The following OCRL variants were observed in gnomAD, a reference collection of about 807,000 sequenced individuals.
OCRL encodes inositol polyphosphate 5-phosphatase OCRL.
OCRL carries 8 observed loss-of-function variants against 78.9 expected under a neutral mutation model. The observed-to-expected ratio is 0.10, with a 90% CI of 0.06 to 0.18. The LOEUF (loss-of-function observed/expected upper bound fraction) is 0.18. Among genes scored for constraint, OCRL ranks in the 10% least tolerant of loss-of-function variants. The pLI is 1.00. For synonymous variants in OCRL, 240 were observed against 235.4 expected, an observed-to-expected ratio of 1.02 and a Z score of -0.18; for missense variants, 454 against 696.7, an observed-to-expected ratio of 0.65 and a Z score of 3.92.
At chrX:129,566,466 A>G (rs1936217798) in intron 13 of OCRL, among the ~76,000 whole-genome samples, 1 of 112,755 alleles carries the variant, frequency 8.9e-6, no homozygotes, top group African/African-American at 3.2e-5. Context: ...AAAACCTGAT[A>G]TTCAAGAACC....
At chrX:129,583,416 G>T (rs1294454623) in intron 18 of OCRL, among the ~76,000 whole-genome samples, 2 of 111,962 alleles carry the variant, frequency 1.8e-5, no homozygotes, top group Non-Finnish European at 3.8e-5. Context: ...GGTCAGACCT[G>T]GGATCCAATC....
intron 17 of OCRL, 103 bp from the exon 18 acceptor site, chrX:129,576,214 T>A: frequency 1.1e-6 from 1 of 938,180 alleles, no homozygotes; most frequent in Non-Finnish European, 1.5e-6. Flanking sequence ...CCCTCATTGC[T>A]TAATGATTTT....
intron 18 of OCRL, among the ~76,000 whole-genome samples, chrX:129,576,772 A>G (rs1047977732): frequency 2.7e-5 from 3 of 111,927 alleles, no homozygotes; most frequent in African/African-American, 9.8e-5. Flanking sequence ...ACAATACATA[A>G]TACTAAGCTC....
In OCRL at chrX:129,588,322, G is replaced by A. The variant is rs774899582; in HGVS notation, c.2341+59G>A. The A allele has an allele frequency of 6.8e-5, 55 of 813,321 alleles. 1 individual carries two copies. Among genetic ancestry groups the A allele is most frequent in the Non-Finnish European group, 7.5e-5 (40 of 536,094 alleles). The allele number at this position is 813,321 out of a possible 1,213,427, so 67.0% of individuals were successfully genotyped here. A position where few individuals can be genotyped will look rare whatever the true frequency, so the allele number is the denominator to read the frequency against. On this transcript the variant is annotated intron_variant, in intron 21 of 23. Coordinates refer to ENST00000371113, the MANE Select transcript of OCRL (RefSeq NM_000276.4). ...TGAGTACTTGATCAAACTCTTCTTC[G>A]CACCTATATTTGATTTTTGTGGTTC...
At chrX:129,569,503 T>C in intron 15 of OCRL, 104 bp downstream of exon 15, 1 of 916,158 alleles carries the variant, frequency 1.1e-6, no homozygotes, top group Admixed American at 2.2e-5. Context: ...CCATAAATGT[T>C]CCATAACCAA....
intron 4 of OCRL, among the ~76,000 whole-genome samples, chrX:129,554,118 A>G (rs1769613547): frequency 9.3e-6 from 1 of 107,668 alleles, no homozygotes; most frequent in Non-Finnish European, 1.9e-5. Flanking sequence ...GTAAGAAAAC[A>G]GAGAAATCAA....
At chrX:129,542,352 ATAAC>A (rs201301361) in intron 2 of OCRL, among the ~76,000 whole-genome samples, 2,099 of 110,639 alleles carry the variant, frequency 0.019, 50 homozygotes, top group African/African-American at 0.065. Flanking sequence ...TAACAACTAT[ATAAC>A]TAACAACTAA....
intron 12 of OCRL, 23 bp downstream of exon 12, chrX:129,562,809 G>T: frequency 8.4e-7 from 1 of 1,183,656 alleles, no homozygotes; most frequent in Non-Finnish European, 1.1e-6. Flanking sequence ...CTCACCTGTA[G>T]CCTTTGAGTA....
rs780742903 is a variant in OCRL, at chrX:129,590,258, C to T, written c.2694C>T (p.Ser898=). Residue 898 remains serine, a synonymous_variant, in exon 24 of 24, where the codon AGC becomes AGT. Coordinates refer to ENST00000371113, the MANE Select transcript of OCRL (RefSeq NM_000276.4). ...TCCTTCTGGGCTTTCTGCTTGGGAG[C>T]GAAGAAGACTAAGGCTTTTACTGTT... ...IQFLLGFLLG[S]EED is the part of the protein sequence containing the mutation. The T allele has an allele frequency of 1.2e-4, 148 of 1,208,925 alleles. No homozygotes were observed. In the East Asian group the frequency reaches 4.2e-3, roughly 34 times the overall value.
intron 17 of OCRL, 26 bp downstream of exon 17, chrX:129,576,088 C>T: frequency 8.5e-7 from 1 of 1,181,384 alleles, no homozygotes; most frequent in South Asian, 1.8e-5. Flanking sequence ...ACCATTGTCT[C>T]TGCTGGTGAT....
chrX:129,583,105 A>T (rs1049635920), intron 18 of OCRL, among the ~76,000 whole-genome samples: 1 of 111,672 alleles, frequency 9.0e-6, no homozygotes, highest in Non-Finnish European at 1.9e-5. Context: ...CTTCAAGGTA[A>T]ATATTACTAT....
Position 129,592,448 on chromosome X carries a change from G to A in OCRL, c.*2178G>A, listed in dbSNP as rs1045849793. On this transcript the variant is annotated 3_prime_UTR_variant, in exon 24 of 24. Transcript: ENST00000371113. ...ATTGTTTGTTATATTTCCCAAAAACGTCTTGATCACTAAGCAAAGCTGCTA... is the reference window on the plus strand; with the variant it reads ...ATTGTTTGTTATATTTCCCAAAAACATCTTGATCACTAAGCAAAGCTGCTA... 1.8e-5 allele frequency: 2 copies of A among 112,785 alleles called. No individual in the cohort carries two copies. The highest frequency in any genetic ancestry group is 3.8e-5 in the Non-Finnish European group (2 of 53,307). The allele number at this position is 112,785 out of a possible 1,213,427, so 9.3% of individuals were successfully genotyped here.
At chrX:129,580,890 G>A (rs1307862724) in intron 18 of OCRL, among the ~76,000 whole-genome samples, 1 of 111,480 alleles carries the variant, frequency 9.0e-6, no homozygotes, top group East Asian at 2.8e-4. Flanking sequence ...TTTTGAGATG[G>A]AGTCTTACCC....
chrX:129,561,623 A>G (rs770648341), intron 10 of OCRL, among the ~76,000 whole-genome samples: 5 of 112,450 alleles, frequency 4.4e-5, no homozygotes, highest in Admixed American at 3.8e-4. Flanking sequence ...CAGAAAAGCA[A>G]TATGAAACGT....
intron 10 of OCRL, 53 bp from the exon 11 acceptor site, chrX:129,562,331 G>A (rs895912511): frequency 3.3e-6 from 3 of 913,104 alleles, no homozygotes; most frequent in African/African-American, 3.9e-5. Flanking sequence ...CATTAGAAAT[G>A]TGGCAAAGAT....
In OCRL at chrX:129,590,400, A is replaced by G. The variant is rs1195435414; in HGVS notation, c.*130A>G. ...TCAAGTTCTGTTTATAGTAAAAAGG[A>G]AGAGCGTTTCCTAATCCCTCCTTTA... On this transcript the variant is annotated 3_prime_UTR_variant, in exon 24 of 24. Transcript: ENST00000371113. 3.7e-5 allele frequency: 32 copies of G among 857,543 alleles called. No individual in the cohort carries two copies. In the Admixed American group the frequency reaches 7.3e-4, roughly 20 times the overall value. 70.7% of individuals were successfully genotyped at this position (857,543 alleles called of 1,213,427 possible).
At chrX:129,575,479 G>A (rs1256268801) in intron 16 of OCRL, among the ~76,000 whole-genome samples, 1 of 111,995 alleles carries the variant, frequency 8.9e-6, no homozygotes, top group African/African-American at 3.2e-5. Flanking sequence ...TAGTTGTAAG[G>A]ATTACATGAG....
chrX:129,557,536 C>T (rs189131772), intron 5 of OCRL, 101 bp downstream of exon 5: 1 of 733,671 alleles, frequency 1.4e-6, no homozygotes, highest in East Asian at 3.3e-5. Context: ...ATACCTCACC[C>T]TTTAAGCCCT....
At chrX:129,589,746 A>G (rs1036168859) in intron 22 of OCRL, 99 bp from the exon 23 acceptor site, 5 of 582,999 alleles carry the variant, frequency 8.6e-6, no homozygotes, top group African/African-American at 2.2e-5. Flanking sequence ...GGGTCCTGCA[A>G]GGGTTGGATT....
Sources: gnomAD v4.1 joint callset for allele counts (sites outside exome capture counted in the v4.1 genomes callset) on GRCh38, gnomAD v4.1.1 for gene constraint, MANE v1.5 for transcripts, NCBI Gene and HGNC (gene_info 2026-07-23, HGNC 2026-07-21) for gene names.